Variants in TPCN2 observed in about 807,000 individuals in gnomAD.
TPCN2 encodes the protein two pore segment channel 2.
In TPCN2, 92 loss-of-function variants were observed where a neutral mutation model predicts 111.4. The observed-to-expected ratio is 0.83, with a 90% CI of 0.70 to 0.98. TPCN2 has a LOEUF of 0.98. Ranked by LOEUF, TPCN2 falls within the 50% of genes least tolerant of loss-of-function variation. TPCN2 has a pLI of 0.00. For synonymous variants in TPCN2, 405 were observed against 414.5 expected (o/e 0.98, Z 0.28); for missense variants, 995 against 980.1 (o/e 1.02, Z -0.20).
chr11:69,076,752 T>C (rs865801608), intron 13 of TPCN2, among the ~76,000 whole-genome samples: 736 of 2,892 alleles, frequency 0.25, 258 homozygotes, highest in Middle Eastern at 1. Context: ...GCCCTCCTGC[T>C]GTGTCCCTCC....
chr11:69,070,710 A>G (rs2134583610), intron 9 of TPCN2, among the ~76,000 whole-genome samples: 1 of 131,940 alleles, frequency 7.6e-6, no homozygotes. Flanking sequence ...CACCCCAGGG[A>G]TCTCCCGCCA....
chr11:69,071,738 C>T (rs1426306266), intron 10 of TPCN2, among the ~76,000 whole-genome samples, 185 bp from the exon 11 acceptor site: 3 of 152,196 alleles, frequency 2.0e-5, no homozygotes, highest in East Asian at 1.9e-4. Context: ...TGCGGCCTGT[C>T]CCGGGAGTCT....
chr11:69,068,132 G>T (rs551881107), intron 8 of TPCN2, among the ~76,000 whole-genome samples: 60 of 152,344 alleles, frequency 3.9e-4, no homozygotes, highest in African/African-American at 1.4e-3. Flanking sequence ...CACTGCTCAG[G>T]TGCAGGTGTG....
chr11:69,082,572 G>A (rs575010022), intron 18 of TPCN2, among the ~76,000 whole-genome samples: 327 of 147,886 alleles, frequency 2.2e-3, no homozygotes, highest in Middle Eastern at 3.5e-3. Context: ...ACGCATGATC[G>A]TGTGTGCACA....
rs1364893389 is a variant in TPCN2 at position 69,078,490 on chromosome 11, G to A, written c.1239G>A (p.Pro413=). 1.3e-5 allele frequency: 21 copies of A among 1,613,958 alleles called. No individual in the cohort carries two copies. Among genetic ancestry groups the A allele is most frequent in the Non-Finnish European group, 1.6e-5 (19 of 1,180,032 alleles). ...GTGTGTTCCTTGCCCAGCACCCGCC[G>A]AGGCCCGAGTACCAGTCTCCGTTTC... The part of the protein sequence containing the change: ...LDRSVVKEHP[P]RPEYQSPFLQ... Residue 413 remains proline, a synonymous_variant, in exon 14 of 25, where the codon CCG becomes CCA. Coordinates refer to ENST00000294309, the MANE Select transcript of TPCN2 (RefSeq NM_139075.4).
intron 5 of TPCN2, among the ~76,000 whole-genome samples, chr11:69,060,118 C>T (rs1243412123): frequency 1.3e-5 from 2 of 152,224 alleles, no homozygotes; most frequent in African/African-American, 4.8e-5. Flanking sequence ...GGTCCACATA[C>T]TTCCTCCCAG....
chr11:69,086,707 G>A, intron 23 of TPCN2, 103 bp downstream of exon 23: 2 of 1,123,330 alleles, frequency 1.8e-6, no homozygotes, highest in Non-Finnish European at 2.7e-6. Flanking sequence ...AACTTTGATG[G>A]GAGAGTCGTG....
At chr11:69,085,788 C>G (rs751833884) in intron 21 of TPCN2, 36 bp downstream of exon 21, 2 of 1,612,674 alleles carry the variant, frequency 1.2e-6, no homozygotes, top group South Asian at 1.1e-5. Context: ...CCCTGCTCCC[C>G]GGGCTCCTCC....
At chr11:69,087,086 C>T (rs746790641) in intron 23 of TPCN2, 26 bp from the exon 24 acceptor site, 2 of 1,600,792 alleles carry the variant, frequency 1.2e-6, no homozygotes, top group Admixed American at 3.3e-5. Flanking sequence ...GGCCCACACT[C>T]ACTGGCCACT....
chr11:69,077,820 G>A (rs1373311541), intron 13 of TPCN2, among the ~76,000 whole-genome samples: 1 of 152,240 alleles, frequency 6.6e-6, no homozygotes, highest in African/African-American at 2.4e-5. Flanking sequence ...ACACGTGGCT[G>A]TTGCCACCGA....
At chr11:69,074,886 C>G (rs183901571) in intron 13 of TPCN2, among the ~76,000 whole-genome samples, 2 of 152,298 alleles carry the variant, frequency 1.3e-5, no homozygotes, top group African/African-American at 4.8e-5. Flanking sequence ...TGTTGCCGTT[C>G]CCTAGGGCGT....
chr11:69,086,748 G>GCC, intron 23 of TPCN2, 144 bp downstream of exon 23: 1 of 771,222 alleles, frequency 1.3e-6, no homozygotes, highest in Non-Finnish European at 2.2e-6. Flanking sequence ...GTGAGGCTGA[G>GCC]CCCCTCCCGT....
chr11:69,070,871 C>T (rs1457847362), intron 9 of TPCN2, among the ~76,000 whole-genome samples: 1 of 147,268 alleles, frequency 6.8e-6, no homozygotes, highest in African/African-American at 2.5e-5. Flanking sequence ...ACAGCTTCAC[C>T]CCAGGGATCC....
chr11:69,062,734 T>G (rs1403110905), intron 5 of TPCN2, 150 bp from the exon 6 acceptor site: 2 of 716,464 alleles, frequency 2.8e-6, no homozygotes, highest in African/African-American at 1.8e-5. Flanking sequence ...CAAGGCCAGC[T>G]CTGGAGCCAG....
chr11:69,048,941 C>A lies in TPCN2; in HGVS notation c.-57C>A. 8.7e-7 allele frequency: 1 copy of A among 1,144,272 alleles called. No homozygotes were observed. Among genetic ancestry groups the A allele is most frequent in the Non-Finnish European group, 1.1e-6 (1 of 905,550 alleles). 70.9% of individuals were successfully genotyped at this position (1,144,272 alleles called of 1,614,324 possible). A position where few individuals can be genotyped will look rare whatever the true frequency, so the allele number is the denominator to read the frequency against. ...GGGTCTCCGCGCCTGCGCAGTGAAG[C>A]TGGGCGCCTTCGGGGCTTGAGCTTC... On this transcript the variant is annotated 5_prime_UTR_variant, in exon 1 of 25. The change creates a new upstream start codon in the 5' untranslated region. Transcript: ENST00000294309.
In TPCN2 at chr11:69,078,883, C is replaced by T. The variant is rs1267069097; in HGVS notation, c.1411-9C>T. On this transcript the variant is annotated splice_polypyrimidine_tract_variant and intron_variant, in intron 15 of 24. Transcript: ENST00000294309. ...GCCCAATGCTGGGTGCCTCTTCTGCCCCTTTCAGATTCTCAACTGCGTCTT... is the reference window on the plus strand; with the variant it reads ...GCCCAATGCTGGGTGCCTCTTCTGCTCCTTTCAGATTCTCAACTGCGTCTT... 1.9e-6 allele frequency: 3 copies of T among 1,614,022 alleles called. No homozygotes were observed. Among genetic ancestry groups the T allele is most frequent in the Admixed American group, 1.7e-5 (1 of 60,024 alleles).
At position 69,087,199 on chromosome 11, in the gene TPCN2, C is replaced by T. The variant is rs1349993610; in HGVS notation, c.2173C>T (p.Leu725=). 6.2e-7 allele frequency: 1 copy of T among 1,613,786 alleles called. No homozygotes were observed. Among genetic ancestry groups the T allele is most frequent in the South Asian group, 1.1e-5 (1 of 91,066 alleles). ...CACCTACCAGATGACTGTGGAGCTC[C>T]TGTTCAGGTGTGTGGGTGGGGAAGG... ...EATYQMTVEL[L]FRDILEEPGE... Residue 725 remains leucine (L), a synonymous_variant, in exon 24 of 25, where the codon CTG becomes TTG. Transcript: ENST00000294309.
chr11:69,064,602 C>T (rs1418220112), intron 7 of TPCN2, among the ~76,000 whole-genome samples: 1 of 152,228 alleles, frequency 6.6e-6, no homozygotes, highest in Non-Finnish European at 1.5e-5. Context: ...CCTGTCCTGG[C>T]CGAGGGCACC....
intron 19 of TPCN2, among the ~76,000 whole-genome samples, chr11:69,084,354 G>A (rs747204211): frequency 3.3e-5 from 5 of 152,204 alleles, no homozygotes; most frequent in Non-Finnish European, 5.9e-5. Context: ...TTTAAGAGGC[G>A]CAGGGCTTTG....
Sources: gnomAD v4.1 joint callset for allele counts (sites outside exome capture counted in the v4.1 genomes callset) on GRCh38, gnomAD v4.1.1 for gene constraint, MANE v1.5 for transcripts, NCBI Gene and HGNC (gene_info 2026-07-23, HGNC 2026-07-21) for gene names.